STX8: variants seen among roughly 807,000 people sequenced by gnomAD.
STX8 encodes the protein syntaxin-8.
Under a neutral mutation model 37.5 loss-of-function variants are expected in STX8, and 23 were observed. That is an observed-to-expected ratio of 0.61 (90% CI 0.44 to 0.87). The LOEUF is 0.87. Among genes scored for constraint, STX8 ranks in the 40% least tolerant of loss-of-function variants. The pLI is 0.00. For missense variants in STX8, 313 were observed against 284.7 expected (o/e 1.10, Z -0.71); for synonymous variants, 115 against 99.1 (o/e 1.16, Z -0.95).
At chr17:9,570,836 C>T (rs1304259166) in intron 1 of STX8, among the ~76,000 whole-genome samples, 1 of 151,926 alleles carries the variant, frequency 6.6e-6, no homozygotes, top group Non-Finnish European at 1.5e-5. Context: ...CTGACCAAGG[C>T]ACTCAGATGG....
intron 6 of STX8, among the ~76,000 whole-genome samples, chr17:9,425,219 A>G (rs1245711549): frequency 6.6e-6 from 1 of 152,320 alleles, no homozygotes; most frequent in East Asian, 1.9e-4. Flanking sequence ...TATATCACCC[A>G]ACACTGTACA....
intron 7 of STX8, among the ~76,000 whole-genome samples, chr17:9,327,348 G>A (rs759893423): frequency 2.7e-5 from 4 of 150,228 alleles, no homozygotes; most frequent in Non-Finnish European, 1.5e-5. Flanking sequence ...AGGAGGAGGA[G>A]GAGAAGGAGA....
At chr17:9,521,637 AG>A in intron 4 of STX8, among the ~76,000 whole-genome samples, 1 of 152,342 alleles carries the variant, frequency 6.6e-6, no homozygotes, top group East Asian at 1.9e-4. Flanking sequence ...TCTATGTATC[AG>A]GCACTAATCT....
intron 5 of STX8, among the ~76,000 whole-genome samples, chr17:9,501,748 C>T (rs113790503): frequency 0.17 from 26,502 of 151,770 alleles, 3,085 homozygotes; most frequent in Middle Eastern, 0.33. Flanking sequence ...CCGAGGCAGG[C>T]GGATCACGAG....
chr17:9,255,476 G>C (rs1017652388), intron 7 of STX8, among the ~76,000 whole-genome samples: 1 of 151,828 alleles, frequency 6.6e-6, no homozygotes, highest in African/African-American at 2.4e-5. Flanking sequence ...GTGGTGAACT[G>C]AGATTGTGCC....
intron 5 of STX8, among the ~76,000 whole-genome samples, chr17:9,496,327 C>T (rs369724545): frequency 1.4e-4 from 22 of 152,238 alleles, no homozygotes; most frequent in Non-Finnish European, 2.1e-4. Context: ...CCAGCTGCCT[C>T]GGCCTCCCAA....
At chr17:9,294,358 G>C (rs1006745332) in intron 7 of STX8, among the ~76,000 whole-genome samples, 2 of 152,228 alleles carry the variant, frequency 1.3e-5, no homozygotes, top group Non-Finnish European at 2.9e-5. Context: ...CCTATGGTGG[G>C]CCTCAATGGC....
intron 7 of STX8, among the ~76,000 whole-genome samples, chr17:9,367,293 T>C (rs1567799727): frequency 6.6e-6 from 1 of 152,082 alleles, no homozygotes. Flanking sequence ...CCATTGAGGA[T>C]GTCAAAGCCA....
At chr17:9,374,063 C>G (rs779672272) in intron 7 of STX8, among the ~76,000 whole-genome samples, 5 of 150,312 alleles carry the variant, frequency 3.3e-5, no homozygotes, top group African/African-American at 4.9e-5. Flanking sequence ...AAATTTTATG[C>G]TATATATATT....
intron 6 of STX8, among the ~76,000 whole-genome samples, chr17:9,441,315 C>CT: frequency 6.6e-6 from 1 of 151,778 alleles, no homozygotes; most frequent in Non-Finnish European, 1.5e-5. Context: ...CATGATGAAA[C>CT]CCTGTCTCTA....
intron 6 of STX8, among the ~76,000 whole-genome samples, chr17:9,386,767 G>T (rs1912028885): frequency 6.6e-6 from 1 of 152,156 alleles, no homozygotes; most frequent in Non-Finnish European, 1.5e-5. Context: ...TCAGTTCCAT[G>T]GCTGAGTTAG....
At chr17:9,275,184 G>A (rs1402378115) in intron 7 of STX8, among the ~76,000 whole-genome samples, 2 of 151,982 alleles carry the variant, frequency 1.3e-5, no homozygotes, top group East Asian at 1.9e-4. Flanking sequence ...CTTGAGCTCC[G>A]GCCTCCCAGG....
chr17:9,501,769 C>T (rs535044534), intron 5 of STX8, among the ~76,000 whole-genome samples: 55 of 151,982 alleles, frequency 3.6e-4, no homozygotes, highest in South Asian at 1.2e-3. Flanking sequence ...GTCAGGAGAT[C>T]GAAACCAGCA....
intron 7 of STX8, among the ~76,000 whole-genome samples, chr17:9,254,051 A>T (rs75229972): frequency 0.01 from 1,523 of 152,252 alleles, 32 homozygotes; most frequent in African/African-American, 0.035. Flanking sequence ...TTCAGAATGT[A>T]AAGGAGATCA....
chr17:9,394,070 A>G (rs1304338155), intron 6 of STX8, among the ~76,000 whole-genome samples: 1 of 152,206 alleles, frequency 6.6e-6, no homozygotes, highest in African/African-American at 2.4e-5. Context: ...CAAGAGGAGG[A>G]AAAACAATAG....
chr17:9,371,694 C>A (rs1911406629), intron 7 of STX8, among the ~76,000 whole-genome samples: 1 of 151,458 alleles, frequency 6.6e-6, no homozygotes, highest in Non-Finnish European at 1.5e-5. Context: ...TCTGCTGATA[C>A]CAAATATGTT....
intron 7 of STX8, among the ~76,000 whole-genome samples, chr17:9,342,688 G>C (rs1182327364): frequency 6.6e-6 from 1 of 152,020 alleles, no homozygotes; most frequent in Admixed American, 6.6e-5. Flanking sequence ...CTTTTTGAGT[G>C]CCAGGAAATG....
At chr17:9,532,341 T>C (rs1400337231) in intron 4 of STX8, among the ~76,000 whole-genome samples, 1 of 152,218 alleles carries the variant, frequency 6.6e-6, no homozygotes, top group Non-Finnish European at 1.5e-5. Flanking sequence ...CAAGATACAC[T>C]GTTAAGTAAA....
intron 7 of STX8, among the ~76,000 whole-genome samples, chr17:9,252,987 G>A (rs1906645420): frequency 6.6e-6 from 1 of 152,250 alleles, no homozygotes; most frequent in African/African-American, 2.4e-5. Context: ...CTCTTCCAGA[G>A]GCTTGCTAGC....
Sources: gnomAD v4.1 joint callset for allele counts (sites outside exome capture counted in the v4.1 genomes callset) on GRCh38, gnomAD v4.1.1 for gene constraint, MANE v1.5 for transcripts, NCBI Gene and HGNC (gene_info 2026-07-23, HGNC 2026-07-21) for gene names.